The following ATOH8 variants were observed in gnomAD, a reference collection of about 807,000 sequenced individuals.
The protein encoded by ATOH8 is transcription factor ATOH8.
A neutral mutation model predicts 21.2 loss-of-function variants in ATOH8; 9 were observed. That is an observed-to-expected ratio of 0.42 (90% CI 0.26 to 0.74). ATOH8 has a LOEUF of 0.74. Among genes scored for constraint, ATOH8 ranks in the 30% least tolerant of loss-of-function variants. ATOH8 has a pLI of 0.24. For synonymous variants in ATOH8, 253 were observed against 224.0 expected, an observed-to-expected ratio of 1.13 and a Z score of -1.16; for missense variants, 524 against 470.9, an observed-to-expected ratio of 1.11 and a Z score of -1.04.
rs778650050 is a variant in ATOH8, at chr2:85,754,831, G to A, written c.642G>A (p.Pro214=). Residue 214 remains proline, a synonymous_variant, in exon 1 of 3, where the codon CCG becomes CCA. Coordinates refer to ENST00000306279, the MANE Select transcript of ATOH8 (RefSeq NM_032827.7). ...QDSSASPRKR[P]GEATAASSEI... ...CCTCCGCGTCGCCTAGGAAACGACCGGGCGAAGCGACTGCCGCCTCCTCCG... is the reference window on the plus strand; with the variant it reads ...CCTCCGCGTCGCCTAGGAAACGACCAGGCGAAGCGACTGCCGCCTCCTCCG... 2.3e-5 allele frequency: 37 copies of A among 1,612,534 alleles called. 1 individual carries two copies. Among genetic ancestry groups the A allele is most frequent in the East Asian group, 2.2e-4 (10 of 44,880 alleles).
intron 2 of ATOH8, chr2:85,774,161 T>G: frequency 9.1e-6 from 9 of 985,472 alleles, no homozygotes; most frequent in Non-Finnish European, 1.1e-5. Flanking sequence ...TTGGTCTTCG[T>G]GGGGCCAAAG....
Position 85,788,981 on chromosome 2 carries a change from G to A in ATOH8, c.*2091G>A, listed in dbSNP as rs1462934090. Among the ~76,000 whole-genome samples, 1 of 152,340 alleles carries A rather than the reference G, an allele frequency of 6.6e-6. No individual in the cohort carries two copies. Among genetic ancestry groups the A allele is most frequent in the Non-Finnish European group, 1.5e-5 (1 of 68,032 alleles). On this transcript the variant is annotated 3_prime_UTR_variant, in exon 3 of 3. Transcript: ENST00000306279. ...TCTGTTAGGAAGGTTCAGCCACCCT[G>A]TGAAGCTGGCACAGATAACAGCACT... is the stretch of plus-strand genomic sequence containing the variant.
chr2:85,776,849 T>A (rs1326789861), intron 2 of ATOH8, among the ~76,000 whole-genome samples: 1 of 152,062 alleles, frequency 6.6e-6, no homozygotes, highest in African/African-American at 2.4e-5. Flanking sequence ...TGGAGAGCCG[T>A]GACCGGGCAT....
rs773893750 is a variant in ATOH8 at position 85,764,153 on chromosome 2, C to A, written c.931C>A (p.Gln311Lys). The change falls in exon 2 of 3, where the codon CAG becomes AAG. Residue 311 changes from glutamine to lysine, a missense_variant. Transcript: ENST00000306279. The stretch of plus-strand genomic sequence containing the variant: ...TGTGCAGCGCTGCACCCGCACCCTG[C>A]AGGCCGAGGGACGTGCCAAGAAGCG... ...ECVQRCTRTL[Q>K]AEGRAKKRKE The A allele has an allele frequency of 6.2e-7, 1 of 1,614,158 alleles. No individual in the cohort carries two copies.
intron 1 of ATOH8, chr2:85,760,678 T>C (rs1319130472): frequency 1.3e-5 from 2 of 152,204 alleles, no homozygotes; most frequent in African/African-American, 4.8e-5. Flanking sequence ...ATACAGACAT[T>C]GTATTTGAAA....
chr2:85,760,142 A>T (rs1679822810), intron 1 of ATOH8, among the ~76,000 whole-genome samples: 1 of 151,426 alleles, frequency 6.6e-6, no homozygotes, highest in East Asian at 1.9e-4. Context: ...GGTGGGGTGG[A>T]ATGTTTTGGG....
chr2:85,779,166 T>C (rs1680416278), intron 2 of ATOH8, among the ~76,000 whole-genome samples: 1 of 152,228 alleles, frequency 6.6e-6, no homozygotes, highest in African/African-American at 2.4e-5. Flanking sequence ...TGCTGGCATC[T>C]GGAAGAGCAG....
At chr2:85,761,442 T>C (rs1679869677) in intron 1 of ATOH8, among the ~76,000 whole-genome samples, 1 of 152,208 alleles carries the variant, frequency 6.6e-6, no homozygotes, top group Admixed American at 6.5e-5. Context: ...AGGTGACATA[T>C]CTAGGACAGA....
At chr2:85,774,630 A>C (rs1372142831) in intron 2 of ATOH8, 2 of 985,366 alleles carry the variant, frequency 2.0e-6, no homozygotes, top group Admixed American at 6.1e-5. Context: ...TGCTCTGCTG[A>C]AAGCTGGTCA....
intron 1 of ATOH8, among the ~76,000 whole-genome samples, chr2:85,760,555 C>A (rs1339499893): frequency 6.6e-6 from 1 of 152,226 alleles, no homozygotes; most frequent in Non-Finnish European, 1.5e-5. Context: ...CAAAACGCAG[C>A]TCTTCACTCA....
chr2:85,754,865 G>T lies in ATOH8; in HGVS notation c.676G>T (p.Ala226Ser), dbSNP rs1353706416. The T allele has an allele frequency of 5.0e-6, 8 of 1,612,090 alleles. No homozygotes were observed. The African/African-American group carries it at 9.3e-5, about 19-fold the overall frequency. ...GACTGCCGCCTCCTCCGAGATCAAA[G>T]CCCTGCAGCAGACCCGGAGGCTCCT... ...EATAASSEIK[A>S]LQQTRRLLAN... The change falls in exon 1 of 3, where the codon GCC becomes TCC. Residue 226 changes from alanine (A) to serine (S), a missense_variant. Coordinates refer to ENST00000306279, the MANE Select transcript of ATOH8 (RefSeq NM_032827.7).
In ATOH8 at chr2:85,783,216, G is replaced by T. The variant is rs1437999039; in HGVS notation, c.961-3669G>T. Among the ~76,000 whole-genome samples the T allele has an allele frequency of 8.5e-5, 13 of 152,306 alleles. No individual in the cohort carries two copies. In the East Asian group the frequency reaches 2.1e-3, roughly 25 times the overall value. On this transcript the variant is annotated intron_variant, in intron 2 of 2. Coordinates refer to ENST00000306279, the MANE Select transcript of ATOH8 (RefSeq NM_032827.7). ...ACGTCAGAGCAGCTGAGAGGGACCT[G>T]TGAGGCCTCCTCATCTAGTCATTCT...
intron 2 of ATOH8, chr2:85,774,049 C>A: frequency 1.0e-6 from 1 of 969,540 alleles, no homozygotes; most frequent in Non-Finnish European, 1.2e-6. Context: ...TATCATGAAG[C>A]TACCCCACCA....
rs555217247 is a variant in ATOH8 at position 85,756,944 on chromosome 2, C to T, written c.768+1987C>T. 1.9e-3 allele frequency among the ~76,000 whole-genome samples: 294 copies of T among 152,288 alleles called. 3 individuals are homozygous for T. The highest frequency in any genetic ancestry group is 6.6e-3 in the African/African-American group (275 of 41,564). On this transcript the variant is annotated intron_variant, in intron 1 of 2. Transcript: ENST00000306279. ...GGTCTCCTTTTACTTCCCCCCTTAC[C>T]GTGGGAAGTTCTCTATAAAAAGGGC...
At chr2:85,771,920 T>A (rs1035693927) in intron 2 of ATOH8, among the ~76,000 whole-genome samples, 6 of 152,236 alleles carry the variant, frequency 3.9e-5, no homozygotes, top group African/African-American at 1.2e-4. Context: ...GGCCAGGAAG[T>A]GGCAGAGCTC....
chr2:85,776,948 C>T (rs778089119), intron 2 of ATOH8, among the ~76,000 whole-genome samples: 4 of 152,254 alleles, frequency 2.6e-5, no homozygotes, highest in African/African-American at 7.2e-5. Flanking sequence ...CACGTACACA[C>T]GAGTCCCTGC....
intron 2 of ATOH8, among the ~76,000 whole-genome samples, chr2:85,786,145 G>A (rs914093341): frequency 2.6e-5 from 4 of 152,302 alleles, no homozygotes; most frequent in South Asian, 2.1e-4. Flanking sequence ...AGCAATTTTC[G>A]AACTGTGCTC....
chr2:85,784,173 A>G (rs1327113649), intron 2 of ATOH8, among the ~76,000 whole-genome samples: 1 of 152,112 alleles, frequency 6.6e-6, no homozygotes, highest in African/African-American at 2.4e-5. Context: ...CCCTTTTGTA[A>G]CTTTAAGTGA....
At chr2:85,782,177 A>T (rs757130695) in intron 2 of ATOH8, among the ~76,000 whole-genome samples, 1 of 152,142 alleles carries the variant, frequency 6.6e-6, no homozygotes, top group Non-Finnish European at 1.5e-5. Flanking sequence ...TGCCCTTTTT[A>T]GGAAAGACCA....
Sources: allele counts gnomAD v4.1 joint callset (sites outside exome capture counted in the v4.1 genomes callset), GRCh38; gene constraint gnomAD v4.1.1; transcripts MANE v1.5; gene names NCBI Gene and HGNC (gene_info 2026-07-23, HGNC 2026-07-21).